The following SYNE1 variants were observed in gnomAD, a reference collection of about 807,000 sequenced individuals.
The protein encoded by SYNE1 is spectrin repeat containing nuclear envelope protein 1, also known as nesprin-1.
A neutral mutation model predicts 1,111.0 loss-of-function variants in SYNE1; 616 were observed. The ratio of observed to expected loss-of-function variants is 0.55; its 90% CI spans 0.52 to 0.59. The LOEUF (loss-of-function observed/expected upper bound fraction) is 0.59, where lower values mean the gene tolerates loss of function less well. SYNE1 is among the 20% of genes least tolerant of loss of function. The pLI, the probability that SYNE1 is intolerant of heterozygous loss-of-function variation, is 0.00. For synonymous variants in SYNE1, 3,855 were observed against 3,825.8 expected (o/e 1.01, Z -0.28); for missense variants, 10,006 against 10,417.0 (o/e 0.96, Z 1.72).
chr6:152,304,120 C>T (rs2095299316), intron 91 of SYNE1, among the ~76,000 whole-genome samples: 1 of 152,102 alleles, frequency 6.6e-6, no homozygotes, highest in African/African-American at 2.4e-5. Context: ...GTTAATTAAA[C>T]CTAATAGGAT....
chr6:152,168,659 T>C (rs1162064451), intron 130 of SYNE1, among the ~76,000 whole-genome samples: 1 of 152,190 alleles, frequency 6.6e-6, no homozygotes, highest in Non-Finnish European at 1.5e-5. Flanking sequence ...CAAATGGTAG[T>C]AGCAAAAGGA....
In SYNE1 at chr6:152,141,339, C is replaced by T. The variant is rs1255020716; in HGVS notation, c.25120-10G>A. The T allele has an allele frequency of 1.2e-6, 2 of 1,613,314 alleles. No homozygotes were observed. The highest frequency in any genetic ancestry group is 1.7e-6 in the Non-Finnish European group (2 of 1,179,814). On this transcript the variant is annotated splice_polypyrimidine_tract_variant and intron_variant, in intron 138 of 145. Transcript: ENST00000367255. ...CGCCCAGCAGTTTCATCTGTTTAGA[C>T]ATAAACAACCGGCCCCTGTCACCCA...
chr6:152,624,023 A>T (rs1217875336), intron 3 of SYNE1, among the ~76,000 whole-genome samples: 4 of 152,182 alleles, frequency 2.6e-5, no homozygotes, highest in Non-Finnish European at 5.9e-5. Flanking sequence ...AAAATTTTCA[A>T]GAGGAGATTG....
At chr6:152,628,240 A>T (rs1210887692) in intron 3 of SYNE1, 25 bp downstream of exon 3, 4 of 1,613,530 alleles carry the variant, frequency 2.5e-6, no homozygotes, top group Non-Finnish European at 2.5e-6. Context: ...GAATTTTTTT[A>T]AAACCTGAAA....
At chr6:152,339,159 T>A (rs1422778613) in intron 75 of SYNE1, 82 bp downstream of exon 75, 2 of 1,569,016 alleles carry the variant, frequency 1.3e-6, no homozygotes, top group Non-Finnish European at 8.7e-7. Context: ...CAAGAGCTAT[T>A]TTCTTTCAAT....
At position 152,219,101 on chromosome 6, in the gene SYNE1, C is replaced by A. The variant is rs773592189; in HGVS notation, c.21946G>T (p.Ala7316Ser). Residue 7316 changes from alanine (A) to serine (S), a missense_variant, in exon 120 of 146, where the codon GCT becomes TCT. Ala to Ser is a moderately conservative substitution (Grantham distance 99). This residue lies in a region of SYNE1 where 2,182 missense variants were observed against 2,287.8 expected (regional missense o/e 0.95). Coordinates refer to ENST00000367255, the MANE Select transcript of SYNE1 (RefSeq NM_182961.4). Reference sequence around the variant, plus strand: ...GATTGAATAGCTGATGCTGCGGAAGCATCCACTTGTTGCTTCAGTTGCTCT... The same window carrying A: ...GATTGAATAGCTGATGCTGCGGAAGAATCCACTTGTTGCTTCAGTTGCTCT... Reference protein sequence around the residue: ...LGEQLKQQVDASAASAIQSDQ... With the variant: ...LGEQLKQQVDSSAASAIQSDQ... 4 of 1,614,134 alleles carry A rather than the reference C, an allele frequency of 2.5e-6. No homozygotes were observed. The South Asian group carries it at 4.4e-5, about 18-fold the overall frequency.
chr6:152,292,856 A>G (rs2094676004), intron 95 of SYNE1, among the ~76,000 whole-genome samples: 1 of 152,210 alleles, frequency 6.6e-6, no homozygotes, highest in Non-Finnish European at 1.5e-5. Context: ...ATGAATATGT[A>G]GGAGAATGTG....
At chr6:152,194,194 A>G (rs192785432) in intron 127 of SYNE1, among the ~76,000 whole-genome samples, 118 of 152,268 alleles carry the variant, frequency 7.7e-4, no homozygotes, top group Non-Finnish European at 1.2e-3. Context: ...GTCAGGTCTG[A>G]TGTTAATGAA....
chr6:152,603,557 G>A (rs2099601212), intron 3 of SYNE1, among the ~76,000 whole-genome samples: 1 of 151,948 alleles, frequency 6.6e-6, no homozygotes, highest in African/African-American at 2.4e-5. Context: ...TTCTGGGTTA[G>A]GTAGTTCTGG....
chr6:152,165,083 C>A lies in SYNE1; in HGVS notation c.23628-758G>T, dbSNP rs190209877. Among the ~76,000 whole-genome samples the A allele has an allele frequency of 6.1e-4, 93 of 151,954 alleles. 2 individuals are homozygous for A. The highest frequency in any genetic ancestry group is 2.2e-3 in the African/African-American group (90 of 41,428). Reference sequence around the variant, plus strand: ...CATCAGATATTCGCGCCCCCTCCCCCACCCCCACATTACTTCCAGGCATTT... The same window carrying A: ...CATCAGATATTCGCGCCCCCTCCCCAACCCCCACATTACTTCCAGGCATTT... On this transcript the variant is annotated intron_variant, in intron 130 of 145. Transcript: ENST00000367255.
At chr6:152,520,626 A>G in intron 5 of SYNE1, 84 bp from the exon 6 acceptor site, 1 of 1,450,332 alleles carries the variant, frequency 6.9e-7, no homozygotes, top group Non-Finnish European at 9.6e-7. Flanking sequence ...AATGGATTAA[A>G]AATATACTTG....
intron 5 of SYNE1, 109 bp from the exon 6 acceptor site, chr6:152,520,651 G>A: frequency 8.1e-7 from 1 of 1,227,780 alleles, no homozygotes; most frequent in Middle Eastern, 1.9e-4. Flanking sequence ...ATATTCAAAA[G>A]CAACCAACAT....
chr6:152,633,145 A>T (rs4870122), intron 2 of SYNE1, among the ~76,000 whole-genome samples: 53,170 of 152,046 alleles, frequency 0.35, 10,717 homozygotes, highest in East Asian at 0.63. Context: ...TAATAGGTGC[A>T]GGATACTGCG....
chr6:152,197,777 T>C (rs1307670436), intron 127 of SYNE1, among the ~76,000 whole-genome samples: 2 of 152,200 alleles, frequency 1.3e-5, no homozygotes, highest in Non-Finnish European at 2.9e-5. Context: ...CAGGTAGAGT[T>C]AGCATAATTC....
intron 3 of SYNE1, among the ~76,000 whole-genome samples, chr6:152,608,953 A>T (rs112056829): frequency 3.3e-5 from 5 of 151,790 alleles, no homozygotes; most frequent in South Asian, 2.1e-4. Flanking sequence ...AAATAAAAAA[A>T]AATCAGAGTT....
At chr6:152,462,225 CATT>C (rs751360910) in intron 20 of SYNE1, among the ~76,000 whole-genome samples, 26 of 151,934 alleles carry the variant, frequency 1.7e-4, no homozygotes, top group East Asian at 3.9e-4. Flanking sequence ...ATCTATACAT[CATT>C]AAGTTTTTTT....
intron 95 of SYNE1, among the ~76,000 whole-genome samples, chr6:152,284,504 G>A (rs1380518336): frequency 2.6e-5 from 4 of 151,812 alleles, no homozygotes; most frequent in Admixed American, 2.0e-4. Context: ...TGTCACTCAG[G>A]CTGGAGTGCA....
chr6:152,226,216 T>C (rs1188052893), intron 115 of SYNE1, among the ~76,000 whole-genome samples: 2 of 152,126 alleles, frequency 1.3e-5, no homozygotes, highest in African/African-American at 4.8e-5. Flanking sequence ...AGTTCATATA[T>C]GTTGGTATTC....
Position 152,628,228 on chromosome 6 carries a change from T to C in SYNE1, c.67+37A>G, listed in dbSNP as rs777087072. 32 of 1,609,718 alleles carry C rather than the reference T, an allele frequency of 2.0e-5. No individual in the cohort carries two copies. The South Asian group carries it at 2.1e-4, about 11-fold the overall frequency. On this transcript the variant is annotated intron_variant, in intron 3 of 145. Coordinates refer to ENST00000367255, the MANE Select transcript of SYNE1 (RefSeq NM_182961.4). ...AACTGATTGTGGGTTAAGATGGTAT[T>C]TGAATTTTTTTAAAACCTGAAATTT...
Sources: allele counts gnomAD v4.1 joint callset (sites outside exome capture counted in the v4.1 genomes callset), GRCh38; gene constraint gnomAD v4.1.1; regional missense constraint gnomAD v4.1.1; transcripts MANE v1.5; gene names NCBI Gene and HGNC (gene_info 2026-07-23, HGNC 2026-07-21).